The following CDK9 variants were observed in gnomAD, a reference collection of about 807,000 sequenced individuals.
CDK9 encodes cyclin dependent kinase 9.
Under a neutral mutation model 39.0 loss-of-function variants are expected in CDK9, and 34 were observed. The observed-to-expected ratio is 0.87, with a 90% CI of 0.66 to 1.16. CDK9 has a LOEUF of 1.16. CDK9 is among the 50% of genes most tolerant of loss of function. The probability of loss-of-function intolerance (pLI) is 0.00; values close to 1 mark genes in which losing one functional copy is unlikely to be tolerated. For synonymous variants in CDK9, 233 were observed against 196.2 expected (o/e 1.19, Z -1.57); for missense variants, 369 against 503.2 (o/e 0.73, Z 2.55).
Position 127,789,468 on chromosome 9 carries a change from G to C in CDK9, c.1044G>C (p.Gln348His). 1 of 1,614,154 alleles carries C rather than the reference G, an allele frequency of 6.2e-7. No homozygotes were observed. The highest frequency in any genetic ancestry group is 8.5e-7 in the Non-Finnish European group (1 of 1,180,038). ...CACCACCGCGCCGGAAGGGCAGCCA[G>C]ATCACCCAGCAGTCCACCAACCAGA... ...YLAPPRRKGS[Q>H]ITQQSTNQSR... is the part of the protein sequence containing the mutation. Residue 348 changes from glutamine (Q) to histidine (H), a missense_variant, in exon 7 of 7, where the codon CAG (glutamine) becomes CAC (histidine). Transcript: ENST00000373264. The surrounding 1 kb of genome is among the most constrained non-coding windows in gnomAD (Gnocchi z 5.2).
At position 127,790,614 on chromosome 9, in the gene CDK9, G is replaced by C. The variant is rs1022404297; in HGVS notation, c.*1071G>C. 1.3e-5 allele frequency: 2 copies of C among 152,110 alleles called. No homozygotes were observed. The highest frequency in any genetic ancestry group is 2.9e-5 in the Non-Finnish European group (2 of 68,038). The allele number at this position is 152,110 out of a possible 1,614,324, so 9.4% of individuals were successfully genotyped here. On this transcript the variant is annotated 3_prime_UTR_variant, in exon 7 of 7. Coordinates refer to ENST00000373264, the MANE Select transcript of CDK9 (RefSeq NM_001261.4). Reference sequence around the variant, plus strand: ...ACATTCTGGCAGGCACGTTTTCTGTGAGCCTGAAGTTAGGAAGAGACATTC... The same window carrying C: ...ACATTCTGGCAGGCACGTTTTCTGTCAGCCTGAAGTTAGGAAGAGACATTC...
At chr9:127,786,541 G>T (rs1276496917) in intron 1 of CDK9, among the ~76,000 whole-genome samples, 160 bp from the exon 2 acceptor site, 1 of 152,216 alleles carries the variant, frequency 6.6e-6, no homozygotes, top group African/African-American at 2.4e-5. Context: ...GGCTCCGAAC[G>T]AGACAGGCTG....
In CDK9 at chr9:127,789,441, G is replaced by A. The variant is rs777066206; in HGVS notation, c.1017G>A (p.Leu339=). The change falls in exon 7 of 7, where the codon TTG becomes TTA. Residue 339 remains leucine, a synonymous_variant. Coordinates refer to ENST00000373264, the MANE Select transcript of CDK9 (RefSeq NM_001261.4). The surrounding 1 kb of genome is among the most constrained non-coding windows in gnomAD (Gnocchi z 5.2). ...ACCTGACGTCCATGTTCGAGTACTT[G>A]GCACCACCGCGCCGGAAGGGCAGCC... ...STHLTSMFEY[L]APPRRKGSQI... 6.2e-7 allele frequency: 1 copy of A among 1,614,080 alleles called. No homozygotes were observed. Among genetic ancestry groups the A allele is most frequent in the Non-Finnish European group, 8.5e-7 (1 of 1,180,032 alleles).
Position 127,788,574 on chromosome 9 carries a change from TGTG to T in CDK9, c.637_639del (p.Trp213del), listed in dbSNP as rs1486435015. 1 of 1,580,508 alleles carries T rather than the reference TGTG, an allele frequency of 6.3e-7. No individual in the cohort carries two copies. Among genetic ancestry groups the T allele is most frequent in the Non-Finnish European group, 8.6e-7 (1 of 1,163,766 alleles). ...CGGGACTACGGCCCCCCCATTGACC[TGTG>T]GGGTGCTGGGTGCATCATGGCAGAG... is the stretch of plus-strand genomic sequence containing the variant. On this transcript the variant is annotated inframe_deletion, in exon 6 of 7. Coordinates refer to ENST00000373264, the MANE Select transcript of CDK9 (RefSeq NM_001261.4).
intron 2 of CDK9, 113 bp downstream of exon 2, chr9:127,786,895 A>G (rs1445612581): frequency 2.8e-5 from 23 of 808,178 alleles, no homozygotes; most frequent in Non-Finnish European, 9.9e-6. Flanking sequence ...TTTTTGTAGT[A>G]GTTCAGAAAT....
chr9:127,786,928 C>T (rs1463843764), intron 2 of CDK9, 146 bp downstream of exon 2: 2 of 655,442 alleles, frequency 3.1e-6, no homozygotes, highest in Admixed American at 5.7e-5. Flanking sequence ...TGGCTTCCAC[C>T]CTAAAACTAA....
chr9:127,789,154 C>T lies in CDK9; in HGVS notation c.754-24C>T. 1.9e-6 allele frequency: 3 copies of T among 1,539,980 alleles called. No homozygotes were observed. The highest frequency in any genetic ancestry group is 2.6e-6 in the Non-Finnish European group (3 of 1,141,386). Reference sequence around the variant, plus strand: ...GCACCTCCTGACCGGACTCCATATTCTCTCAACGCCCCCTCCCTCCCAGGT... The same window carrying T: ...GCACCTCCTGACCGGACTCCATATTTTCTCAACGCCCCCTCCCTCCCAGGT... On this transcript the variant is annotated intron_variant, in intron 6 of 6. Transcript: ENST00000373264. The surrounding 1 kb of genome is among the most constrained non-coding windows in gnomAD (Gnocchi z 5.2).
rs1466361534 is a variant in CDK9, at chr9:127,787,987, G to A, written c.306G>A (p.Val102=). Residue 102 remains valine (V), a synonymous_variant, in exon 4 of 7, where the codon GTG becomes GTA. Coordinates refer to ENST00000373264, the MANE Select transcript of CDK9 (RefSeq NM_001261.4). ...GCTGCAAGGGTAGTATATACCTGGT[G>A]TTCGACTTCTGCGAGCATGACCTTG... is the stretch of plus-strand genomic sequence containing the variant. ...YNRCKGSIYL[V]FDFCEHDLAG... 2 of 1,614,098 alleles carry A rather than the reference G, an allele frequency of 1.2e-6. No individual in the cohort carries two copies. Among genetic ancestry groups the A allele is most frequent in the African/African-American group, 2.7e-5 (2 of 74,924 alleles).
intron 2 of CDK9, 71 bp downstream of exon 2, chr9:127,786,853 T>C: frequency 2.4e-6 from 3 of 1,239,502 alleles, no homozygotes; most frequent in South Asian, 1.2e-5. Flanking sequence ...TCCACCCTGC[T>C]GCTTCTGGGA....
In CDK9 at chr9:127,789,611, C is replaced by T. The variant is rs1399385428; in HGVS notation, c.*68C>T. 7 of 1,554,412 alleles carry T rather than the reference C, an allele frequency of 4.5e-6. No homozygotes were observed. The African/African-American group carries it at 9.6e-5, about 21-fold the overall frequency. On this transcript the variant is annotated 3_prime_UTR_variant, in exon 7 of 7. Coordinates refer to ENST00000373264, the MANE Select transcript of CDK9 (RefSeq NM_001261.4). This position sits in a 1 kb window ranked among gnomAD's most constrained non-coding sequence, Gnocchi z 5.2. ...TGCTATGTGACTTGCATCGTGGAGA[C>T]AGGGCATTTGAGTTTATATCTCTCA...
Position 127,789,677 on chromosome 9 carries a change from G to T in CDK9, c.*134G>T, listed in dbSNP as rs550907477. On this transcript the variant is annotated 3_prime_UTR_variant, in exon 7 of 7. Coordinates refer to ENST00000373264, the MANE Select transcript of CDK9 (RefSeq NM_001261.4). The surrounding 1 kb of genome is among the most constrained non-coding windows in gnomAD (Gnocchi z 5.2). Reference sequence around the variant, plus strand: ...ATCCCCACCCTGGGCTCTGGGAGCAGCCCGCTGAGTGGACTGGAGTGGAGC... The same window carrying T: ...ATCCCCACCCTGGGCTCTGGGAGCATCCCGCTGAGTGGACTGGAGTGGAGC... The T allele has an allele frequency of 2.5e-6, 3 of 1,194,372 alleles. No homozygotes were observed. The highest frequency in any genetic ancestry group is 3.1e-5 in the South Asian group (2 of 65,116). 74.0% of individuals were successfully genotyped at this position (1,194,372 alleles called of 1,614,324 possible).
chr9:127,788,590 C>T lies in CDK9; in HGVS notation c.651C>T (p.Cys217=), dbSNP rs761794166. Residue 217 remains cysteine (C), a synonymous_variant, in exon 6 of 7, where the codon TGC becomes TGT. Coordinates refer to ENST00000373264, the MANE Select transcript of CDK9 (RefSeq NM_001261.4). ...CCATTGACCTGTGGGGTGCTGGGTG[C>T]ATCATGGCAGAGATGTGGACCCGCA... ...GPPIDLWGAG[C]IMAEMWTRSP... is the part of the protein sequence containing the mutation. 3 of 1,591,196 alleles carry T rather than the reference C, an allele frequency of 1.9e-6. No homozygotes were observed. The highest frequency in any genetic ancestry group is 2.6e-6 in the Non-Finnish European group (3 of 1,169,542).
Position 127,786,704 on chromosome 9 carries a change from G to C in CDK9, c.96G>C (p.Glu32Asp). Residue 32 changes from glutamate (E) to aspartate (D), a missense_variant, in exon 2 of 7, where the codon GAG becomes GAC. Coordinates refer to ENST00000373264, the MANE Select transcript of CDK9 (RefSeq NM_001261.4). The part of the protein sequence containing the change: ...LAKIGQGTFG[E>D]VFKARHRKTG... ...GGGTCTCCCTTTCCGCCTGCAGGGA[G>C]GTGTTCAAGGCCAGGCACCGCAAGA... is the stretch of plus-strand genomic sequence containing the variant. 1.2e-6 allele frequency: 2 copies of C among 1,613,792 alleles called. No individual in the cohort carries two copies. The highest frequency in any genetic ancestry group is 1.1e-5 in the South Asian group (1 of 90,994).
At chr9:127,787,302 T>A (rs1829344951) in intron 2 of CDK9, among the ~76,000 whole-genome samples, 1 of 152,216 alleles carries the variant, frequency 6.6e-6, no homozygotes, top group East Asian at 1.9e-4. Context: ...GTTTAGTGGC[T>A]AATAGCAAAG....
chr9:127,786,889 T>C (rs546438470), intron 2 of CDK9, 107 bp downstream of exon 2: 1 of 856,404 alleles, frequency 1.2e-6, no homozygotes, highest in Admixed American at 2.7e-5. Context: ...TTAATTTTTT[T>C]GTAGTAGTTC....
In CDK9 at chr9:127,789,896, C is replaced by T. The variant is rs1199663203; in HGVS notation, c.*353C>T. 7.3e-6 allele frequency: 2 copies of T among 275,396 alleles called. No individual in the cohort carries two copies. Among genetic ancestry groups the T allele is most frequent in the Non-Finnish European group, 1.4e-5 (2 of 143,936 alleles). 17.1% of individuals were successfully genotyped at this position (275,396 alleles called of 1,614,324 possible). A position where few individuals can be genotyped will look rare whatever the true frequency, so the allele number is the denominator to read the frequency against. On this transcript the variant is annotated 3_prime_UTR_variant, in exon 7 of 7. Coordinates refer to ENST00000373264, the MANE Select transcript of CDK9 (RefSeq NM_001261.4). This position sits in a 1 kb window ranked among gnomAD's most constrained non-coding sequence, Gnocchi z 5.2. ...TCCTATTCTCGGGCTGAGAACCCTG[C>T]GTGGGGACAGGGCTCGCCTCAGGAA...
At chr9:127,788,772 C>A (rs1213075762) in intron 6 of CDK9, 80 bp downstream of exon 6, 38 of 1,389,506 alleles carry the variant, frequency 2.7e-5, no homozygotes, top group Non-Finnish European at 3.7e-5. Context: ...ATGGAAGGAG[C>A]GCTCCTCTCT....
chr9:127,788,449 A>G, intron 5 of CDK9, 64 bp downstream of exon 5: 1 of 1,554,998 alleles, frequency 6.4e-7, no homozygotes, highest in Non-Finnish European at 8.7e-7. Context: ...CCTTCCCCCC[A>G]ACTGCCAGGG....
chr9:127,787,193 T>C (rs1466424411), intron 2 of CDK9, among the ~76,000 whole-genome samples: 1 of 152,236 alleles, frequency 6.6e-6, no homozygotes, highest in Non-Finnish European at 1.5e-5. Context: ...TAAACCTTCT[T>C]TTGCGTAATG....
Sources: allele counts gnomAD v4.1 joint callset (sites outside exome capture counted in the v4.1 genomes callset), GRCh38; gene constraint gnomAD v4.1.1; non-coding constraint Gnocchi (gnomAD v3.1); transcripts MANE v1.5; gene names NCBI Gene and HGNC (gene_info 2026-07-23, HGNC 2026-07-21).